The following ARHGAP42 variants were observed in gnomAD, a reference collection of about 807,000 sequenced individuals.
ARHGAP42 encodes Rho GTPase activating protein 42, also known as rho GTPase-activating protein 42.
A neutral mutation model predicts 125.0 loss-of-function variants in ARHGAP42; 63 were observed. The ratio of observed to expected loss-of-function variants is 0.50; its 90% CI spans 0.41 to 0.62. The LOEUF is 0.62. Ranked by LOEUF, ARHGAP42 falls within the 20% of genes least tolerant of loss-of-function variation. The pLI, the probability that ARHGAP42 is intolerant of heterozygous loss-of-function variation, is 0.00. For synonymous variants in ARHGAP42, 339 were observed against 351.0 expected, an observed-to-expected ratio of 0.97 and a Z score of 0.38; for missense variants, 766 against 1,024.2, an observed-to-expected ratio of 0.75 and a Z score of 3.44.
intron 1 of ARHGAP42, among the ~76,000 whole-genome samples, chr11:100,736,643 A>G (rs903502225): frequency 6.6e-6 from 1 of 152,226 alleles, no homozygotes; most frequent in African/African-American, 2.4e-5. Flanking sequence ...CTTTTGTGCT[A>G]CAGGCATCTG....
chr11:100,770,506 C>A, intron 2 of ARHGAP42, 68 bp downstream of exon 2: 3 of 1,043,958 alleles, frequency 2.9e-6, no homozygotes, highest in Non-Finnish European at 4.1e-6. Context: ...TAGACACACA[C>A]CTAAATAATA....
intron 4 of ARHGAP42, among the ~76,000 whole-genome samples, chr11:100,899,270 T>C (rs928953237): frequency 2.0e-5 from 3 of 152,190 alleles, no homozygotes; most frequent in African/African-American, 7.2e-5. Context: ...AACTATGTGG[T>C]CAATTTTAGA....
Position 100,965,730 on chromosome 11 carries a change from G to T in ARHGAP42, c.1504G>T (p.Glu502Ter). The T allele has an allele frequency of 6.4e-7, 1 of 1,551,128 alleles. No homozygotes were observed. ...AVHALVHKLP[E>*]KNREMLDILI... ...ACATGCATTGGTGCACAAATTGCCG[G>T]AGAAAAACAGAGAGATGCTGGACAT... The change falls in exon 17 of 24, where the codon GAG becomes TAG. Residue 502 changes from glutamate (E) to a stop codon, truncating the protein, a stop_gained. Coordinates refer to ENST00000298815, the MANE Select transcript of ARHGAP42 (RefSeq NM_152432.4). LOFTEE classifies it high-confidence loss of function.
chr11:100,777,557 T>C (rs1863161811), intron 2 of ARHGAP42, among the ~76,000 whole-genome samples: 1 of 152,188 alleles, frequency 6.6e-6, no homozygotes, highest in Non-Finnish European at 1.5e-5. Context: ...AAATGAGAAA[T>C]AGGAATATAG....
At chr11:100,938,603 A>G (rs1344232232) in intron 8 of ARHGAP42, among the ~76,000 whole-genome samples, 1 of 152,166 alleles carries the variant, frequency 6.6e-6, no homozygotes, top group Non-Finnish European at 1.5e-5. Context: ...CCACACTACA[A>G]CATAATGAAC....
chr11:100,982,453 A>G (rs2135330336), intron 22 of ARHGAP42, among the ~76,000 whole-genome samples: 1 of 152,322 alleles, frequency 6.6e-6, no homozygotes, highest in East Asian at 1.9e-4. Flanking sequence ...GAACCTTTGG[A>G]ATAGAGAAAA....
At chr11:100,946,856 T>C (rs1405972452) in intron 10 of ARHGAP42, among the ~76,000 whole-genome samples, 1 of 151,884 alleles carries the variant, frequency 6.6e-6, no homozygotes, top group African/African-American at 2.4e-5. Context: ...ATGGTGCTGA[T>C]AGACATGCAG....
intron 1 of ARHGAP42, among the ~76,000 whole-genome samples, chr11:100,732,423 C>G (rs1219717810): frequency 6.6e-6 from 1 of 152,190 alleles, no homozygotes; most frequent in Non-Finnish European, 1.5e-5. Context: ...GTCTATATGT[C>G]TCTACCGCTG....
intron 4 of ARHGAP42, among the ~76,000 whole-genome samples, chr11:100,889,643 AC>A (rs1363789260): frequency 1.3e-5 from 2 of 152,278 alleles, no homozygotes; most frequent in East Asian, 3.9e-4. Flanking sequence ...TCTGTTGGAC[AC>A]CCTGGTTTTC....
chr11:100,889,048 A>G (rs1353366968), intron 4 of ARHGAP42, among the ~76,000 whole-genome samples: 1 of 152,140 alleles, frequency 6.6e-6, no homozygotes, highest in East Asian at 1.9e-4. Context: ...CCTCTCCTCT[A>G]CTTAAACTTA....
intron 1 of ARHGAP42, among the ~76,000 whole-genome samples, chr11:100,748,465 G>T (rs1394891242): frequency 1.3e-5 from 2 of 152,180 alleles, no homozygotes; most frequent in Non-Finnish European, 2.9e-5. Context: ...AAACCTGCTG[G>T]GTAAGGGAAT....
At chr11:100,923,599 T>G in intron 6 of ARHGAP42, among the ~76,000 whole-genome samples, 1 of 152,064 alleles carries the variant, frequency 6.6e-6, no homozygotes, top group East Asian at 1.9e-4. Flanking sequence ...TGACAAGAAT[T>G]TATGAATTCC....
At chr11:100,859,749 T>A in intron 4 of ARHGAP42, 124 bp downstream of exon 4, 1 of 688,816 alleles carries the variant, frequency 1.5e-6, no homozygotes. Flanking sequence ...CATTTAAAAC[T>A]TTTTGCATAG....
intron 4 of ARHGAP42, among the ~76,000 whole-genome samples, chr11:100,871,967 T>A (rs1341385190): frequency 6.6e-6 from 1 of 152,188 alleles, no homozygotes; most frequent in Non-Finnish European, 1.5e-5. Context: ...GGTCTCGAAC[T>A]CCTGACCTCG....
chr11:100,891,463 A>T (rs569984329), intron 4 of ARHGAP42, among the ~76,000 whole-genome samples: 110 of 118,454 alleles, frequency 9.3e-4, no homozygotes, highest in Non-Finnish European at 1.6e-3. Context: ...TTTTTTTGAG[A>T]TGGAGTCTTG....
chr11:100,739,233 C>A (rs935346818), intron 1 of ARHGAP42, among the ~76,000 whole-genome samples: 1 of 150,252 alleles, frequency 6.7e-6, no homozygotes, highest in Non-Finnish European at 1.5e-5. Context: ...CCAAAGTGAT[C>A]AAAAAATAAG....
chr11:100,849,305 C>T (rs544887653), intron 3 of ARHGAP42, among the ~76,000 whole-genome samples: 44 of 152,228 alleles, frequency 2.9e-4, no homozygotes, highest in Non-Finnish European at 5.6e-4. Context: ...AGGCTTTTGA[C>T]AGCTGTACAG....
intron 16 of ARHGAP42, 67 bp from the exon 17 acceptor site, chr11:100,965,604 C>G (rs1409606961): frequency 3.1e-6 from 4 of 1,291,338 alleles, no homozygotes; most frequent in Admixed American, 4.0e-5. Context: ...GATTAGATTA[C>G]TAATGTTTAC....
chr11:100,744,572 G>A (rs775763420), intron 1 of ARHGAP42, among the ~76,000 whole-genome samples: 3 of 151,828 alleles, frequency 2.0e-5, no homozygotes, highest in Non-Finnish European at 4.4e-5. Flanking sequence ...GTGCGTGCTT[G>A]TGTGTGTGTT....
Sources: allele counts gnomAD v4.1 joint callset (sites outside exome capture counted in the v4.1 genomes callset), GRCh38; gene constraint gnomAD v4.1.1; transcripts MANE v1.5; gene names NCBI Gene and HGNC (gene_info 2026-07-23, HGNC 2026-07-21).